The following COL6A3 variants were observed in gnomAD, a reference collection of about 807,000 sequenced individuals.
COL6A3 encodes the protein collagen alpha-3(VI) chain.
COL6A3 carries 137 observed loss-of-function variants against 274.1 expected under a neutral mutation model. That is an observed-to-expected ratio of 0.50 (90% CI 0.44 to 0.58). The LOEUF (loss-of-function observed/expected upper bound fraction) is 0.58, where lower values mean the gene tolerates loss of function less well. Ranked by LOEUF, COL6A3 falls within the 20% of genes least tolerant of loss-of-function variation. The pLI is 0.00. For synonymous variants in COL6A3, 1,650 were observed against 1,650.6 expected (o/e 1.00, Z 0.01); for missense variants, 3,950 against 4,124.9 (o/e 0.96, Z 1.16).
chr2:237,358,620 T>C, intron 20 of COL6A3, 37 bp from the exon 21 acceptor site: 1 of 1,549,002 alleles, frequency 6.5e-7, no homozygotes, highest in South Asian at 1.1e-5. Context: ...AAAAACTAGA[T>C]GTTTCCATTT....
Position 237,368,865 on chromosome 2 carries a change from C to T in COL6A3, c.4598G>A (p.Gly1533Glu), listed in dbSNP as rs994572495. Residue 1533 changes from glycine (G) to glutamate (E), a missense_variant, in exon 10 of 44, where the codon GGG becomes GAG. Transcript: ENST00000295550. This position sits in a 1 kb window ranked among gnomAD's most constrained non-coding sequence, Gnocchi z 4.4. ...VARNLFVKSA[G>E]SRIEDGVPQH... Reference sequence around the variant, plus strand: ...GGGCACCCCGTCTTCTATGCGACTCCCCGCAGACTTAACAAAGAGGTTTCT... The same window carrying T: ...GGGCACCCCGTCTTCTATGCGACTCTCCGCAGACTTAACAAAGAGGTTTCT... The T allele has an allele frequency of 6.2e-7, 1 of 1,614,210 alleles. No homozygotes were observed. The highest frequency in any genetic ancestry group is 8.5e-7 in the Non-Finnish European group (1 of 1,180,048).
chr2:237,333,784 C>T (rs1700388758), intron 41 of COL6A3, among the ~76,000 whole-genome samples: 1 of 152,168 alleles, frequency 6.6e-6, no homozygotes, highest in Non-Finnish European at 1.5e-5. Flanking sequence ...AACAAATCCT[C>T]TCACTTCCCA....
In COL6A3 at chr2:237,368,111, C is replaced by T. The variant is rs968274018; in HGVS notation, c.4900+452G>A. Among the ~76,000 whole-genome samples the T allele has an allele frequency of 6.6e-6, 1 of 152,152 alleles. No homozygotes were observed. The highest frequency in any genetic ancestry group is 1.5e-5 in the Non-Finnish European group (1 of 68,016). On this transcript the variant is annotated intron_variant, in intron 10 of 43. Coordinates refer to ENST00000295550, the MANE Select transcript of COL6A3 (RefSeq NM_004369.4). The surrounding 1 kb of genome is among the most constrained non-coding windows in gnomAD (Gnocchi z 4.4). ...GCCCCAAAGACGAGAACCAGGAGCA[C>T]GGGGTAGAAGCTGAGGTGGACGACT...
At chr2:237,349,409 T>A (rs1448504757) in intron 28 of COL6A3, among the ~76,000 whole-genome samples, 10 of 152,246 alleles carry the variant, frequency 6.6e-5, no homozygotes, top group Admixed American at 6.5e-4. Flanking sequence ...GAAGTCTGAT[T>A]TTTTCCCTGT....
intron 22 of COL6A3, among the ~76,000 whole-genome samples, 161 bp from the exon 23 acceptor site, chr2:237,357,552 A>C (rs921641316): frequency 6.6e-6 from 1 of 152,146 alleles, no homozygotes; most frequent in Non-Finnish European, 1.5e-5. Context: ...ACTTCAGTAC[A>C]CTCCCACCTC....
rs368631950 is a variant in COL6A3, at chr2:237,350,132, G to A, written c.6879+15C>T. 3.7e-5 allele frequency: 60 copies of A among 1,613,384 alleles called. 1 individual carries two copies. The highest frequency in any genetic ancestry group is 4.5e-5 in the East Asian group (2 of 44,880). ...AGTCAGCGACAGCCTGACCCCAAGC[G>A]CGCTGTGACCTTACCGTCTCCCCAC... On this transcript the variant is annotated intron_variant, in intron 28 of 43. Coordinates refer to ENST00000295550, the MANE Select transcript of COL6A3 (RefSeq NM_004369.4).
intron 1 of COL6A3, among the ~76,000 whole-genome samples, chr2:237,399,113 G>A (rs1230308047): frequency 1.3e-5 from 2 of 152,182 alleles, no homozygotes; most frequent in African/African-American, 4.8e-5. Context: ...TTCATAAGAT[G>A]AGAGGATAAG....
chr2:237,409,686 C>A (rs2078806534), intron 1 of COL6A3, among the ~76,000 whole-genome samples: 1 of 152,136 alleles, frequency 6.6e-6, no homozygotes, highest in Non-Finnish European at 1.5e-5. Context: ...CATTCATAAT[C>A]ATAGCTTGTG....
At chr2:237,351,616 C>T (rs1386384810) in intron 26 of COL6A3, among the ~76,000 whole-genome samples, 1 of 152,138 alleles carries the variant, frequency 6.6e-6, no homozygotes, top group African/African-American at 2.4e-5. Flanking sequence ...GAAATTAACT[C>T]TTAAAATGTG....
chr2:237,381,214 C>G lies in COL6A3; in HGVS notation c.1598G>C (p.Arg533Pro), dbSNP rs764614021. 6 of 1,614,132 alleles carry G rather than the reference C, an allele frequency of 3.7e-6. No homozygotes were observed. The highest frequency in any genetic ancestry group is 5.1e-6 in the Non-Finnish European group (6 of 1,180,058). Residue 533 changes from arginine to proline, a missense_variant, in exon 5 of 44, where the codon CGT becomes CCT. Transcript: ENST00000295550. ...LYTGSALDFV[R>P]NNLFTSSAGY... Reference sequence around the variant, plus strand: ...GGCTGAACTCGTGAATAGGTTGTTACGAACAAAGTCTAGAGCAGAGCCCGT... The same window carrying G: ...GGCTGAACTCGTGAATAGGTTGTTAGGAACAAAGTCTAGAGCAGAGCCCGT...
At chr2:237,357,704 G>A (rs566570719) in intron 22 of COL6A3, 113 bp downstream of exon 22, 29 of 1,057,396 alleles carry the variant, frequency 2.7e-5, no homozygotes, top group South Asian at 1.1e-4. Flanking sequence ...CTTAGGCTAC[G>A]TTGCAGTGTT....
rs750367811 is a variant in COL6A3 at position 237,365,784 on chromosome 2, G to T, written c.5752C>A (p.Arg1918Ser). 1 of 1,614,088 alleles carries T rather than the reference G, an allele frequency of 6.2e-7. No individual in the cohort carries two copies. Among genetic ancestry groups the T allele is most frequent in the Non-Finnish European group, 8.5e-7 (1 of 1,180,046 alleles). The part of the protein sequence containing the change: ...PEMLEKFRNM[R>S]SQHPYVLTED... ...GTGAGGACGTAGGGGTGCTGGCTGC[G>T]CATGTTCCGGAACTTCTCGAGCATC... Residue 1918 changes from arginine to serine, a missense_variant, in exon 12 of 44, where the codon CGC becomes AGC. Arg to Ser is a moderately radical substitution (Grantham distance 110, BLOSUM62 -1). Coordinates refer to ENST00000295550, the MANE Select transcript of COL6A3 (RefSeq NM_004369.4).
chr2:237,360,279 T>C (rs2077405674), intron 16 of COL6A3, 120 bp from the exon 17 acceptor site: 2 of 1,007,898 alleles, frequency 2.0e-6, no homozygotes, highest in Admixed American at 2.0e-5. Context: ...GATTTCACCA[T>C]GGGGAACGCC....
chr2:237,395,678 A>G (rs1478345350), intron 2 of COL6A3, among the ~76,000 whole-genome samples: 1 of 152,226 alleles, frequency 6.6e-6, no homozygotes, highest in African/African-American at 2.4e-5. Flanking sequence ...CTAACCCCCA[A>G]TGCTTTGGGT....
Position 237,360,172 on chromosome 2 carries a change from A to G in COL6A3, c.6211-13T>C, listed in dbSNP as rs751001881. 5.8e-5 allele frequency: 93 copies of G among 1,613,848 alleles called. No individual in the cohort carries two copies. In the Middle Eastern group the frequency reaches 9.9e-4, roughly 17 times the overall value. ...GACCACGCTCACCCTGTTGTGAGAG[A>G]CAAAGGCATTTTGCAAGCTGGAGCC... On this transcript the variant is annotated splice_polypyrimidine_tract_variant and intron_variant, in intron 16 of 43. Coordinates refer to ENST00000295550, the MANE Select transcript of COL6A3 (RefSeq NM_004369.4).
intron 26 of COL6A3, among the ~76,000 whole-genome samples, chr2:237,352,281 G>A (rs987902660): frequency 2.6e-5 from 4 of 152,152 alleles, no homozygotes; most frequent in Admixed American, 6.5e-5. Flanking sequence ...AGGGACACTT[G>A]GAAGGAGCAG....
chr2:237,361,081 A>C lies in COL6A3; in HGVS notation c.6210+40T>G, dbSNP rs1559228235. The C allele has an allele frequency of 4.6e-6, 7 of 1,535,830 alleles. No homozygotes were observed. Among genetic ancestry groups the C allele is most frequent in the Non-Finnish European group, 6.3e-6 (7 of 1,108,730 alleles). Reference sequence around the variant, plus strand: ...CAATCCCAATGGGTAAGGATCAAGGAGGGGGTGAAATTTTAGGGACTAAAA... The same window carrying C: ...CAATCCCAATGGGTAAGGATCAAGGCGGGGGTGAAATTTTAGGGACTAAAA... On this transcript the variant is annotated intron_variant, in intron 16 of 43. Transcript: ENST00000295550. This position sits in a 1 kb window ranked among gnomAD's most constrained non-coding sequence, Gnocchi z 5.1.
Position 237,354,868 on chromosome 2 carries a change from G to C in COL6A3, c.6627+31C>G, listed in dbSNP as rs765439341. On this transcript the variant is annotated intron_variant, in intron 24 of 43. Coordinates refer to ENST00000295550, the MANE Select transcript of COL6A3 (RefSeq NM_004369.4). The stretch of plus-strand genomic sequence containing the variant: ...GGGCGGCATCTGGGCTGTTTGAAGA[G>C]AGTCTCCAGGGGGCACTGCATGAGG... The C allele has an allele frequency of 2.2e-5, 35 of 1,607,310 alleles. No homozygotes were observed. The African/African-American group carries it at 3.7e-4, about 17-fold the overall frequency.
chr2:237,340,522 C>A lies in COL6A3; in HGVS notation c.8394G>T (p.Val2798=), dbSNP rs780134165. ...CCTCGTTGAGCTCGGTGGACTTGTC[C>A]ACTAATTTGAAGAAGACGTCGTTTG... is the stretch of plus-strand genomic sequence containing the variant. The part of the protein sequence containing the change: ...SEPNDVFFKL[V]DKSTELNEEP... The change falls in exon 38 of 44, where the codon GTG becomes GTT. Residue 2798 remains valine, a synonymous_variant. Transcript: ENST00000295550. 6.2e-7 allele frequency: 1 copy of A among 1,614,154 alleles called. No individual in the cohort carries two copies. Among genetic ancestry groups the A allele is most frequent in the Non-Finnish European group, 8.5e-7 (1 of 1,180,026 alleles).
Sources: allele counts gnomAD v4.1 joint callset (sites outside exome capture counted in the v4.1 genomes callset), GRCh38; gene constraint gnomAD v4.1.1; non-coding constraint Gnocchi (gnomAD v3.1); transcripts MANE v1.5; gene names NCBI Gene and HGNC (gene_info 2026-07-23, HGNC 2026-07-21).